The following PREX1 variants were observed in gnomAD, a reference collection of about 807,000 sequenced individuals.
The protein encoded by PREX1 is phosphatidylinositol-3,4,5-trisphosphate dependent Rac exchange factor 1, also known as phosphatidylinositol 3,4,5-trisphosphate-dependent Rac exchanger 1 protein.
A neutral mutation model predicts 198.3 loss-of-function variants in PREX1; 41 were observed. The observed-to-expected ratio is 0.21, with a 90% CI of 0.16 to 0.27. The LOEUF is 0.27. Among genes scored for constraint, PREX1 ranks in the 10% least tolerant of loss-of-function variants. The pLI, the probability that PREX1 is intolerant of heterozygous loss-of-function variation, is 1.00. For missense variants in PREX1, 1,620 were observed against 2,200.7 expected (o/e 0.74, Z 5.28); for synonymous variants, 843 against 887.2 (o/e 0.95, Z 0.89).
chr20:48,667,276 A>C (rs1465010188), intron 14 of PREX1, among the ~76,000 whole-genome samples: 1 of 152,210 alleles, frequency 6.6e-6, no homozygotes, highest in Non-Finnish European at 1.5e-5. Flanking sequence ...ATGCTACAGA[A>C]ACACAAACCC....
chr20:48,786,855 A>G (rs28695829), intron 1 of PREX1, among the ~76,000 whole-genome samples: 12 of 93,932 alleles, frequency 1.3e-4, no homozygotes, highest in African/African-American at 3.9e-4. Context: ...GAGAGAGAGA[A>G]AGAGAAAGAG....
At position 48,632,380 on chromosome 20, in the gene PREX1, C is replaced by T. The variant is rs778570818; in HGVS notation, c.4423G>A (p.Val1475Met). 2.2e-5 allele frequency: 35 copies of T among 1,613,732 alleles called. No homozygotes were observed. Among genetic ancestry groups the T allele is most frequent in the East Asian group, 6.7e-5 (3 of 44,890 alleles). ...TALFTKVLENVEGLPSPGSQA... is the reference protein window; with the variant it reads ...TALFTKVLENMEGLPSPGSQA... ...CTGCCTGGAGAAGGCAGCCCCTCCA[C>T]GTTCTCCAGCACTGGGAGGGGAGAT... Residue 1475 changes from valine (V) to methionine (M), a missense_variant, in exon 35 of 40, where the codon GTG becomes ATG. Val to Met is a conservative substitution (Grantham distance 21, BLOSUM62 1). This residue lies in a region of PREX1 where 476 missense variants were observed against 603.4 expected (regional missense o/e 0.79). Transcript: ENST00000371941.
upstream of PREX1, among the ~76,000 whole-genome samples, chr20:48,828,090 T>A (rs1447156495): frequency 1.4e-5 from 2 of 147,338 alleles, no homozygotes; most frequent in African/African-American, 4.9e-5. Context: ...CCCAGACGGC[T>A]GGCCCCCCGC....
chr20:48,625,941 CA>C lies in PREX1; in HGVS notation c.4938-15del, dbSNP rs781176802. 1 of 1,545,374 alleles carries C rather than the reference CA, an allele frequency of 6.5e-7. No individual in the cohort carries two copies. Among genetic ancestry groups the C allele is most frequent in the South Asian group, 1.2e-5 (1 of 83,104 alleles). On this transcript the variant is annotated splice_polypyrimidine_tract_variant and intron_variant, in intron 39 of 39. Coordinates refer to ENST00000371941, the MANE Select transcript of PREX1 (RefSeq NM_020820.4). Reference sequence around the variant, plus strand: ...AGGCGGTAGAGGCTGGGGATGGAGGCAAAGAGAATGAGGAGAGGCCGGGGCG... The same window carrying C: ...AGGCGGTAGAGGCTGGGGATGGAGGCAAGAGAATGAGGAGAGGCCGGGGCG...
intron 1 of PREX1, among the ~76,000 whole-genome samples, chr20:48,756,056 C>T (rs1030775843): frequency 1.3e-5 from 2 of 152,192 alleles, no homozygotes; most frequent in African/African-American, 2.4e-5. Flanking sequence ...AAGGCAGTGC[C>T]CGCCAGTGGG....
chr20:48,807,489 C>G (rs2869676), intron 1 of PREX1, among the ~76,000 whole-genome samples: 1 of 152,102 alleles, frequency 6.6e-6, no homozygotes, highest in Admixed American at 6.5e-5. Context: ...TCTCTGCTAA[C>G]GGCCACTCAC....
intron 5 of PREX1, among the ~76,000 whole-genome samples, chr20:48,710,780 A>G (rs2089926876): frequency 6.6e-6 from 1 of 152,268 alleles, no homozygotes; most frequent in African/African-American, 2.4e-5. Flanking sequence ...AGGTGAGGCC[A>G]CGGGCCACAC....
At chr20:48,746,312 C>T (rs1216772347) in intron 2 of PREX1, among the ~76,000 whole-genome samples, 1 of 152,220 alleles carries the variant, frequency 6.6e-6, no homozygotes, top group Admixed American at 6.5e-5. Flanking sequence ...CGTGAGCCAC[C>T]TCGCCTGGCC....
At chr20:48,787,382 A>AG (rs1441607662) in intron 1 of PREX1, among the ~76,000 whole-genome samples, 1 of 152,178 alleles carries the variant, frequency 6.6e-6, no homozygotes, top group Non-Finnish European at 1.5e-5. Flanking sequence ...ACAAAAAAAA[A>AG]AAAGAAAGAA....
At chr20:48,706,051 C>T (rs565986362) in intron 6 of PREX1, among the ~76,000 whole-genome samples, 5 of 152,322 alleles carry the variant, frequency 3.3e-5, no homozygotes, top group African/African-American at 1.2e-4. Flanking sequence ...TACTAAATAA[C>T]TGCCAACAAT....
chr20:48,669,748 C>T (rs2089662794), intron 14 of PREX1, among the ~76,000 whole-genome samples: 1 of 152,132 alleles, frequency 6.6e-6, no homozygotes, highest in Non-Finnish European at 1.5e-5. Context: ...GACCCTTGGC[C>T]CAAAGCCTGG....
intron 15 of PREX1, among the ~76,000 whole-genome samples, chr20:48,665,152 C>T (rs978782054): frequency 2.0e-5 from 3 of 150,008 alleles, no homozygotes; most frequent in Admixed American, 6.6e-5. Flanking sequence ...CTAATCCCGG[C>T]CCCAGACGGC....
At chr20:48,692,624 G>T (rs763047462) in intron 8 of PREX1, 48 bp downstream of exon 8, 3 of 1,409,224 alleles carry the variant, frequency 2.1e-6, no homozygotes, top group African/African-American at 2.8e-5. Flanking sequence ...GTGCCAGGGA[G>T]CAGGCAGGGC....
At position 48,787,504 on chromosome 20, in the gene PREX1, C is replaced by G. The variant is rs1473901464; in HGVS notation, c.220-39624G>C. Among the ~76,000 whole-genome samples the G allele has an allele frequency of 9.9e-5, 15 of 152,072 alleles. No homozygotes were observed. The South Asian group carries it at 2.9e-3, about 29-fold the overall frequency. On this transcript the variant is annotated intron_variant, in intron 1 of 39. Coordinates refer to ENST00000371941, the MANE Select transcript of PREX1 (RefSeq NM_020820.4). ...AGCCGGGGTCCACAAGAGAATGTTT[C>G]AGAGGCCTGAGCACTCTCGAGCTCA...
chr20:48,644,021 T>A (rs2089433389), intron 27 of PREX1, among the ~76,000 whole-genome samples: 1 of 152,222 alleles, frequency 6.6e-6, no homozygotes, highest in Non-Finnish European at 1.5e-5. Flanking sequence ...GATTTTCGGT[T>A]TACACATGTA....
At chr20:48,878,537 A>C in the PREX1 span, among the ~76,000 whole-genome samples, 16 of 152,186 alleles carry the variant, frequency 1.1e-4, no homozygotes, top group Non-Finnish European at 2.2e-4. Flanking sequence ...GATGGGTTTC[A>C]CTGTGTTAGC....
intron 15 of PREX1, among the ~76,000 whole-genome samples, chr20:48,661,106 TG>T (rs1200365384): frequency 6.6e-6 from 1 of 152,108 alleles, no homozygotes; most frequent in Admixed American, 6.6e-5. Flanking sequence ...TGTTACTAAG[TG>T]GCCCTTTACA....
At chr20:48,764,572 C>G (rs1225731569) in intron 1 of PREX1, among the ~76,000 whole-genome samples, 2 of 151,988 alleles carry the variant, frequency 1.3e-5, no homozygotes, top group East Asian at 3.9e-4. Flanking sequence ...CACTTGAGGT[C>G]AGGATTTTGA....
At chr20:48,694,980 T>C (rs1244761247) in intron 7 of PREX1, among the ~76,000 whole-genome samples, 1 of 152,194 alleles carries the variant, frequency 6.6e-6, no homozygotes, top group Non-Finnish European at 1.5e-5. Context: ...CACACACATA[T>C]AAACATATAC....
Sources: gnomAD v4.1 joint callset for allele counts (sites outside exome capture counted in the v4.1 genomes callset) on GRCh38, gnomAD v4.1.1 for gene constraint, gnomAD v4.1.1 regional missense constraint, MANE v1.5 for transcripts, NCBI Gene and HGNC (gene_info 2026-07-23, HGNC 2026-07-21) for gene names.